NDST3: variants seen among roughly 807,000 people sequenced by gnomAD.
NDST3 encodes the protein N-deacetylase and N-sulfotransferase 3.
Under a neutral mutation model 96.1 loss-of-function variants are expected in NDST3, and 58 were observed. That is an observed-to-expected ratio of 0.60 (90% CI 0.49 to 0.75). The LOEUF is 0.75. NDST3 is among the 30% of genes least tolerant of loss of function. NDST3 has a pLI of 0.00. For missense variants in NDST3, 788 were observed against 1,034.2 expected, an observed-to-expected ratio of 0.76 and a Z score of 3.27; for synonymous variants, 333 against 359.7, an observed-to-expected ratio of 0.93 and a Z score of 0.84.
intron 6 of NDST3, chr4:118,193,876 A>C (rs1297269081): frequency 4.6e-6 from 5 of 1,084,320 alleles, no homozygotes; most frequent in Admixed American, 3.7e-5. Context: ...AACTAGACTC[A>C]TATTCTACCC....
intron 6 of NDST3, among the ~76,000 whole-genome samples, chr4:118,199,660 A>T (rs1238934294): frequency 6.6e-6 from 1 of 152,022 alleles, no homozygotes; most frequent in Non-Finnish European, 1.5e-5. Flanking sequence ...TTAGGTATTT[A>T]TTGTAGTCTT....
intron 6 of NDST3, among the ~76,000 whole-genome samples, chr4:118,215,458 G>C (rs563093026): frequency 6.6e-6 from 1 of 152,174 alleles, no homozygotes; most frequent in South Asian, 2.1e-4. Context: ...CAAAACCCAA[G>C]TCACAAATGG....
chr4:118,038,987 G>A (rs2389495), intron 1 of NDST3, among the ~76,000 whole-genome samples: 113,886 of 152,130 alleles, frequency 0.75, 44,471 homozygotes, highest in South Asian at 0.9. Context: ...ATACTTTGCA[G>A]AATATATGTT....
intron 9 of NDST3, among the ~76,000 whole-genome samples, chr4:118,236,285 T>C (rs887680926): frequency 5.3e-5 from 8 of 152,236 alleles, no homozygotes; most frequent in African/African-American, 1.9e-4. Flanking sequence ...ACAACTTTTA[T>C]TCAGGTGGAA....
intron 2 of NDST3, among the ~76,000 whole-genome samples, chr4:118,104,110 G>T (rs1729976345): frequency 6.6e-6 from 1 of 152,168 alleles, no homozygotes; most frequent in African/African-American, 2.4e-5. Context: ...GGGCCCAACT[G>T]TATTAAGGAA....
intron 9 of NDST3, among the ~76,000 whole-genome samples, chr4:118,236,686 A>G (rs1481017796): frequency 5.3e-5 from 8 of 151,964 alleles, no homozygotes; most frequent in Admixed American, 5.2e-4. Context: ...TTTTAATACG[A>G]TTTTCTTTTT....
intron 2 of NDST3, among the ~76,000 whole-genome samples, chr4:118,098,828 T>A (rs1373150469): frequency 6.6e-6 from 1 of 152,070 alleles, no homozygotes; most frequent in African/African-American, 2.4e-5. Context: ...ATAATACAGC[T>A]ACTTGGATTA....
intron 4 of NDST3, among the ~76,000 whole-genome samples, chr4:118,123,227 G>T (rs375483570): frequency 6.6e-6 from 1 of 151,912 alleles, no homozygotes; most frequent in Non-Finnish European, 1.5e-5. Context: ...GTATACGGTG[G>T]TTATAACAAA....
chr4:118,051,706 C>T (rs556639425), intron 1 of NDST3, among the ~76,000 whole-genome samples: 20 of 152,036 alleles, frequency 1.3e-4, no homozygotes, highest in African/African-American at 3.4e-4. Context: ...GATTCTATAC[C>T]TAGAAAATGC....
chr4:118,077,258 T>C (rs972896723), intron 2 of NDST3, among the ~76,000 whole-genome samples: 1 of 152,118 alleles, frequency 6.6e-6, no homozygotes, highest in African/African-American at 2.4e-5. Flanking sequence ...TCCATACTCA[T>C]TCACATGTGC....
At chr4:118,254,245 C>CA (rs33924467) in intron 13 of NDST3, among the ~76,000 whole-genome samples, 3,732 of 127,576 alleles carry the variant, frequency 0.029, 147 homozygotes, top group African/African-American at 0.11. Flanking sequence ...AACTCCAACT[C>CA]AAAAAAAAAA....
chr4:118,103,822 C>T (rs1443755584), intron 2 of NDST3, among the ~76,000 whole-genome samples: 1 of 152,112 alleles, frequency 6.6e-6, no homozygotes, highest in African/African-American at 2.4e-5. Context: ...AAAAAGCTTG[C>T]TTATGTTAAG....
intron 12 of NDST3, among the ~76,000 whole-genome samples, chr4:118,251,656 C>T (rs1344027419): frequency 6.6e-6 from 1 of 152,128 alleles, no homozygotes; most frequent in African/African-American, 2.4e-5. Flanking sequence ...ATCCATTGGT[C>T]CACTGATGCC....
In NDST3 at chr4:118,054,541, G is replaced by A. The variant is rs1213979816; in HGVS notation, c.631G>A (p.Glu211Lys). 2.5e-6 allele frequency: 4 copies of A among 1,613,246 alleles called. No homozygotes were observed. The highest frequency in any genetic ancestry group is 3.4e-6 in the Non-Finnish European group (4 of 1,179,474). ...LIRVTKSSKL[E>K]KGSLPGTDWT... ...TCGTGTGACCAAATCTTCCAAGCTT[G>A]AAAAAGGTTCTTTACCTGGAACTGA... Residue 211 changes from glutamate to lysine, a missense_variant, in exon 2 of 14, where the codon GAA (glutamate) becomes AAA (lysine). Around this residue, in one of 3 missense-constraint regions of NDST3, gnomAD observed 234 missense variants for 256.9 expected, o/e 0.91. Coordinates refer to ENST00000296499, the MANE Select transcript of NDST3 (RefSeq NM_004784.3).
intron 2 of NDST3, among the ~76,000 whole-genome samples, chr4:118,059,179 A>C (rs1725698760): frequency 6.6e-6 from 1 of 152,118 alleles, no homozygotes; most frequent in African/African-American, 2.4e-5. Flanking sequence ...GCCCAGTCAC[A>C]TCTGAGCTTA....
At position 118,109,453 on chromosome 4, in the gene NDST3, A is replaced by G. The variant is rs80228394; in HGVS notation, c.1069+4348A>G. Among the ~76,000 whole-genome samples the G allele has an allele frequency of 2.4e-3, 368 of 152,258 alleles. 15 individuals carry two copies. The East Asian group carries it at 0.056, about 23-fold the overall frequency. On this transcript the variant is annotated intron_variant, in intron 3 of 13. Coordinates refer to ENST00000296499, the MANE Select transcript of NDST3 (RefSeq NM_004784.3). ...ACTGGGGAATGATGCTAGCCAATTC[A>G]TGTCATTCCTTCTCATCTCTGCAAG...
chr4:118,143,211 CTTT>C (rs1733692540), intron 5 of NDST3, among the ~76,000 whole-genome samples: 1 of 152,034 alleles, frequency 6.6e-6, no homozygotes, highest in Non-Finnish European at 1.5e-5. Context: ...CAATCCAATA[CTTT>C]TTTTAAAGTC....
intron 6 of NDST3, among the ~76,000 whole-genome samples, chr4:118,189,970 T>C (rs1469135300): frequency 6.6e-6 from 1 of 152,104 alleles, no homozygotes; most frequent in Non-Finnish European, 1.5e-5. Flanking sequence ...TTTATGTAAT[T>C]TTGCCTATTT....
At chr4:118,202,893 T>C (rs1307288541) in intron 6 of NDST3, among the ~76,000 whole-genome samples, 1 of 152,182 alleles carries the variant, frequency 6.6e-6, no homozygotes, top group Non-Finnish European at 1.5e-5. Flanking sequence ...TCTGTTCCAG[T>C]TCTCAAAGGG....
Sources: gnomAD v4.1 joint callset for allele counts (sites outside exome capture counted in the v4.1 genomes callset) on GRCh38, gnomAD v4.1.1 for gene constraint, gnomAD v4.1.1 regional missense constraint, MANE v1.5 for transcripts, NCBI Gene and HGNC (gene_info 2026-07-23, HGNC 2026-07-21) for gene names.